The following EIF2AK2 variants were observed in gnomAD, a reference collection of about 807,000 sequenced individuals.
The protein encoded by EIF2AK2 is eukaryotic translation initiation factor 2 alpha kinase 2, also known as interferon-induced, double-stranded RNA-activated protein kinase.
A neutral mutation model predicts 70.5 loss-of-function variants in EIF2AK2; 40 were observed. That is an observed-to-expected ratio of 0.57 (90% confidence interval 0.44 to 0.74). The LOEUF (loss-of-function observed/expected upper bound fraction) is 0.74. EIF2AK2 is among the 30% of genes least tolerant of loss of function. The pLI, the probability that EIF2AK2 is intolerant of heterozygous loss-of-function variation, is 0.00. For missense variants in EIF2AK2, 555 were observed against 644.3 expected (o/e 0.86, Z 1.50); for synonymous variants, 198 against 220.9 (o/e 0.90, Z 0.92).
rs1171878531 is a variant in EIF2AK2 at position 37,103,497 on chromosome 2, G to C, written c.*3776C>G. On this transcript the variant is annotated 3_prime_UTR_variant, in exon 17 of 17. Transcript: ENST00000233057. ...AGGCGTGAGCCACCATGCCCAGCCAGAGTAGGAATATTAAAATGAGGTCAG... is the reference window on the plus strand; with the variant it reads ...AGGCGTGAGCCACCATGCCCAGCCACAGTAGGAATATTAAAATGAGGTCAG... The C allele has an allele frequency of 2.6e-5, 4 of 152,040 alleles. No individual in the cohort carries two copies. The highest frequency in any genetic ancestry group is 7.2e-5 in the African/African-American group (3 of 41,420). 9.4% of individuals were successfully genotyped at this position (152,040 alleles called of 1,614,324 possible).
chr2:37,149,272 G>A (rs1251671889), intron 1 of EIF2AK2: 1 of 1,054,324 alleles, frequency 9.5e-7, no homozygotes. Flanking sequence ...AATTGAAGGA[G>A]GAGAAATAAT....
chr2:37,120,152 T>A lies in EIF2AK2; in HGVS notation c.1068-13A>T. ...CTTAGTCTTTGACCTGGGTATAAAA[T>A]TCACAGTATGTTAAAAGTAACAATA... On this transcript the variant is annotated splice_polypyrimidine_tract_variant and intron_variant, in intron 12 of 16. Coordinates refer to ENST00000233057, the MANE Select transcript of EIF2AK2 (RefSeq NM_001135651.3). 7.2e-7 allele frequency: 1 copy of A among 1,382,160 alleles called. No homozygotes were observed. The allele number at this position is 1,382,160 out of a possible 1,614,324, so 85.6% of individuals were successfully genotyped here.
At chr2:37,155,485 A>G (rs956932445) in intron 1 of EIF2AK2, among the ~76,000 whole-genome samples, 2 of 152,124 alleles carry the variant, frequency 1.3e-5, no homozygotes, top group Non-Finnish European at 2.9e-5. Context: ...CCACTCATCT[A>G]TCAGGATCAA....
Position 37,100,400 on chromosome 2 carries a change from T to C in EIF2AK2, c.*6873A>G, listed in dbSNP as rs1004711669. ...TTAAACCACCAAGTTTGTGGTAATT[T>C]GTTAGTTATAGCAGCCATAAGAAAT... On this transcript the variant is annotated 3_prime_UTR_variant, in exon 17 of 17. Transcript: ENST00000233057. The C allele has an allele frequency of 1.3e-5, 2 of 152,204 alleles. No individual in the cohort carries two copies. The highest frequency in any genetic ancestry group is 2.4e-5 in the African/African-American group (1 of 41,462). The allele number at this position is 152,204 out of a possible 1,614,324, so 9.4% of individuals were successfully genotyped here.
chr2:37,142,141 A>G (rs1483554315), intron 4 of EIF2AK2, among the ~76,000 whole-genome samples: 1 of 146,602 alleles, frequency 6.8e-6, no homozygotes, highest in Non-Finnish European at 1.5e-5. Context: ...TATTTTTTTA[A>G]TTTTTTTCAG....
intron 10 of EIF2AK2, among the ~76,000 whole-genome samples, chr2:37,134,791 T>A (rs968982607): frequency 6.6e-6 from 1 of 152,250 alleles, no homozygotes; most frequent in African/African-American, 2.4e-5. Flanking sequence ...CACATATCTT[T>A]GTCTCCCCAC....
chr2:37,131,626 G>A (rs1186259418), intron 10 of EIF2AK2, among the ~76,000 whole-genome samples: 1 of 152,042 alleles, frequency 6.6e-6, no homozygotes, highest in East Asian at 1.9e-4. Context: ...CAACACTCAT[G>A]CTCTGATCTA....
At chr2:37,110,050 G>A (rs1340820248) in intron 14 of EIF2AK2, among the ~76,000 whole-genome samples, 2 of 151,202 alleles carry the variant, frequency 1.3e-5, no homozygotes, top group Admixed American at 6.6e-5. Flanking sequence ...ATTTTATACT[G>A]TATAAATTGT....
rs1674481753 is a variant in EIF2AK2 at position 37,120,050 on chromosome 2, A to C, written c.1157T>G (p.Leu386Arg). 1 of 1,567,496 alleles carries C rather than the reference A, an allele frequency of 6.4e-7. No individual in the cohort carries two copies. Among genetic ancestry groups the C allele is most frequent in the African/African-American group, 1.4e-5 (1 of 73,172 alleles). ...QWIEKRRGEK[L>R]DKVLALELFE... ...GAGTTCCAAAGCCAAAACTTTGTCT[A>C]GTTTCTCGCCTCTTCTTTTTTCAAT... The change falls in exon 13 of 17, where the codon CTA becomes CGA. Residue 386 changes from leucine to arginine, a missense_variant. Physicochemically the swap from Leu to Arg is moderately radical, Grantham distance 102. Transcript: ENST00000233057.
rs1038904176 is a variant in EIF2AK2, at chr2:37,107,218, T to C, written c.*55A>G. The C allele has an allele frequency of 6.4e-7, 1 of 1,574,316 alleles. No individual in the cohort carries two copies. The highest frequency in any genetic ancestry group is 8.6e-7 in the Non-Finnish European group (1 of 1,163,672). On this transcript the variant is annotated 3_prime_UTR_variant, in exon 17 of 17. Coordinates refer to ENST00000233057, the MANE Select transcript of EIF2AK2 (RefSeq NM_001135651.3). ...TCTATTGATATTCCCTAGCAGATTT[T>C]AGATAATTTAAGGAAAACTGCATAT...
intron 5 of EIF2AK2, among the ~76,000 whole-genome samples, chr2:37,140,585 T>A (rs1254353015): frequency 2.0e-5 from 3 of 149,588 alleles, no homozygotes; most frequent in African/African-American, 7.6e-5. Flanking sequence ...ATAGCTCCTA[T>A]TTTTTTCAGA....
chr2:37,145,684 G>A (rs138111487), intron 4 of EIF2AK2, among the ~76,000 whole-genome samples: 89 of 149,930 alleles, frequency 5.9e-4, no homozygotes, highest in African/African-American at 2.1e-3. Context: ...GCAACTTCCA[G>A]TCCTGCAAGC....
At chr2:37,107,858 A>C (rs1037429014) in intron 15 of EIF2AK2, among the ~76,000 whole-genome samples, 1 of 152,128 alleles carries the variant, frequency 6.6e-6, no homozygotes, top group Non-Finnish European at 1.5e-5. Context: ...TAAGAGTAGG[A>C]TATCCAGCTG....
intron 1 of EIF2AK2, among the ~76,000 whole-genome samples, chr2:37,154,826 T>C (rs1675867278): frequency 6.6e-6 from 1 of 152,180 alleles, no homozygotes; most frequent in African/African-American, 2.4e-5. Flanking sequence ...CCTCCCAAAG[T>C]GCTGCGATTA....
intron 5 of EIF2AK2, 49 bp downstream of exon 5, chr2:37,141,504 T>G (rs750081959): frequency 6.3e-7 from 1 of 1,585,518 alleles, no homozygotes; most frequent in South Asian, 1.2e-5. Context: ...AAACCAACTT[T>G]ATTGCTTAAA....
rs1675648950 is a variant in EIF2AK2, at chr2:37,148,887, A to G, written c.-47T>C. 4.8e-6 allele frequency: 4 copies of G among 832,702 alleles called. No individual in the cohort carries two copies. Among genetic ancestry groups the G allele is most frequent in the Non-Finnish European group, 8.5e-6 (4 of 468,306 alleles). 51.6% of individuals were successfully genotyped at this position (832,702 alleles called of 1,614,324 possible). A position where few individuals can be genotyped will look rare whatever the true frequency, so the allele number is the denominator to read the frequency against. ...TGGAAGCTTTGTCCAAAATGCACGC[A>G]GATAATCACGGAAGTGTGGATGTTG... is the stretch of plus-strand genomic sequence containing the variant. On this transcript the variant is annotated 5_prime_UTR_variant, in exon 2 of 17. Coordinates refer to ENST00000233057, the MANE Select transcript of EIF2AK2 (RefSeq NM_001135651.3).
chr2:37,112,098 G>A (rs1674183554), intron 14 of EIF2AK2, among the ~76,000 whole-genome samples: 1 of 151,648 alleles, frequency 6.6e-6, no homozygotes, highest in Non-Finnish European at 1.5e-5. Flanking sequence ...GGGCAATGAT[G>A]TTTAGTGATG....
rs34036810 is a variant in EIF2AK2 at position 37,135,337 on chromosome 2, A to G, written c.785+147T>C. On this transcript the variant is annotated intron_variant, in intron 10 of 16. Transcript: ENST00000233057. ...ATTCCTGGGCCCCCTCTTAATGATAAGCCTAAGACTATTGTTCTTACCCTG... is the reference window on the plus strand; with the variant it reads ...ATTCCTGGGCCCCCTCTTAATGATAGGCCTAAGACTATTGTTCTTACCCTG... The G allele has an allele frequency of 4.7e-3, 2,630 of 560,014 alleles. 72 individuals carry two copies. The East Asian group carries it at 0.057, about 12-fold the overall frequency. 34.7% of individuals were successfully genotyped at this position (560,014 alleles called of 1,614,324 possible).
chr2:37,154,387 C>T (rs1041052953), intron 1 of EIF2AK2, among the ~76,000 whole-genome samples: 2 of 152,008 alleles, frequency 1.3e-5, no homozygotes, highest in African/African-American at 4.8e-5. Context: ...ATGCAGTCTC[C>T]ACAAGCCACT....
Sources: allele counts gnomAD v4.1 joint callset (sites outside exome capture counted in the v4.1 genomes callset), GRCh38; gene constraint gnomAD v4.1.1; transcripts MANE v1.5; gene names NCBI Gene and HGNC (gene_info 2026-07-23, HGNC 2026-07-21).